Variants in STXBP3 observed in about 807,000 individuals in gnomAD.
STXBP3 encodes syntaxin binding protein 3, also known as syntaxin-binding protein 3.
STXBP3 carries 41 observed loss-of-function variants against 85.7 expected under a neutral mutation model. The ratio of observed to expected loss-of-function variants is 0.48; its 90% confidence interval spans 0.37 to 0.62. The LOEUF (loss-of-function observed/expected upper bound fraction) is 0.62, where lower values mean the gene tolerates loss of function less well. Among genes scored for constraint, STXBP3 ranks in the 20% least tolerant of loss-of-function variants. The pLI, the probability that STXBP3 is intolerant of heterozygous loss-of-function variation, is 0.00. For synonymous variants in STXBP3, 229 were observed against 231.7 expected (o/e 0.99, Z 0.10); for missense variants, 563 against 703.1 (o/e 0.80, Z 2.25).
At chr1:108,771,246 A>G (rs574628794) in intron 6 of STXBP3, among the ~76,000 whole-genome samples, 30 of 149,996 alleles carry the variant, frequency 2.0e-4, no homozygotes, top group Admixed American at 1.8e-3. Flanking sequence ...GGATGAAATC[A>G]GGATGACAGA....
Position 108,779,348 on chromosome 1 carries a change from G to A in STXBP3, c.747G>A (p.Leu249=). ...DRGFDPVSTV[L]HELTFQAMAY... ...GCTTTGATCCTGTGTCCACTGTCCT[G>A]CATGAACTGACCTTTCAGGCAATGG... The change falls in exon 9 of 19, where the codon CTG becomes CTA. Residue 249 remains leucine (L), a synonymous_variant. Coordinates refer to ENST00000370008, the MANE Select transcript of STXBP3 (RefSeq NM_007269.4). 6.2e-7 allele frequency: 1 copy of A among 1,613,078 alleles called. No homozygotes were observed. The highest frequency in any genetic ancestry group is 8.5e-7 in the Non-Finnish European group (1 of 1,179,410).
Position 108,771,371 on chromosome 1 carries a change from T to G in STXBP3, c.439-1294T>G, listed in dbSNP as rs139899325. Among the ~76,000 whole-genome samples the G allele has an allele frequency of 1.8e-3, 218 of 119,500 alleles. 3 individuals carry two copies. Among genetic ancestry groups the G allele is most frequent in the African/African-American group, 7.1e-3 (212 of 29,840 alleles). The allele number at this position is 119,500 out of a possible 152,430, so 78.4% of individuals were successfully genotyped here. ...GCTGCATTTTCTTGATATATATCTA[T>G]ATATATATAATATATAAATATATAT... On this transcript the variant is annotated intron_variant, in intron 6 of 18. Transcript: ENST00000370008.
intron 13 of STXBP3, among the ~76,000 whole-genome samples, chr1:108,795,320 T>G (rs1663067179): frequency 6.6e-6 from 1 of 152,112 alleles, no homozygotes; most frequent in Non-Finnish European, 1.5e-5. Context: ...GTAATTTTAA[T>G]TATTCTAATA....
intron 7 of STXBP3, among the ~76,000 whole-genome samples, chr1:108,773,039 C>A (rs370688551): frequency 1.2e-4 from 19 of 152,164 alleles, no homozygotes; most frequent in Non-Finnish European, 2.4e-4. Context: ...GTACAATTTA[C>A]GGACGGTTTT....
At chr1:108,801,657 AT>A (rs34183658) in intron 17 of STXBP3, among the ~76,000 whole-genome samples, 312 of 142,426 alleles carry the variant, frequency 2.2e-3, no homozygotes, top group African/African-American at 2.2e-3. Context: ...CCTTTTTTTA[AT>A]TTTTTTTTTT....
intron 17 of STXBP3, among the ~76,000 whole-genome samples, chr1:108,807,144 C>T (rs558203625): frequency 6.6e-5 from 10 of 150,958 alleles, no homozygotes; most frequent in East Asian, 2.0e-4. Flanking sequence ...CCTAGCTACT[C>T]GGGAGGCTGA....
intron 11 of STXBP3, among the ~76,000 whole-genome samples, chr1:108,785,241 A>G (rs916095355): frequency 2.0e-5 from 3 of 152,180 alleles, no homozygotes; most frequent in Admixed American, 2.0e-4. Context: ...CCCTGCAGCG[A>G]ACTCCGGCCT....
At chr1:108,804,694 C>G (rs550881227) in intron 17 of STXBP3, among the ~76,000 whole-genome samples, 1 of 152,276 alleles carries the variant, frequency 6.6e-6, no homozygotes, top group African/African-American at 2.4e-5. Context: ...TGGGGTTCCT[C>G]AGACCATGAA....
chr1:108,777,993 A>G (rs925061118), intron 8 of STXBP3, among the ~76,000 whole-genome samples: 1 of 152,100 alleles, frequency 6.6e-6, no homozygotes, highest in Non-Finnish European at 1.5e-5. Context: ...ATTGTGGTTC[A>G]TTTTACAAAG....
At chr1:108,766,259 A>G (rs1662262498) in intron 6 of STXBP3, among the ~76,000 whole-genome samples, 1 of 152,108 alleles carries the variant, frequency 6.6e-6, no homozygotes, top group South Asian at 2.1e-4. Context: ...AGAAAATCAG[A>G]TTCCTAATAT....
intron 7 of STXBP3, among the ~76,000 whole-genome samples, chr1:108,775,393 A>G (rs1203329350): frequency 6.6e-6 from 1 of 152,136 alleles, no homozygotes; most frequent in Non-Finnish European, 1.5e-5. Flanking sequence ...CGGGATATCT[A>G]TCACCTCAAG....
chr1:108,807,582 T>TG, intron 18 of STXBP3, 33 bp downstream of exon 18: 2 of 1,556,286 alleles, frequency 1.3e-6, no homozygotes, highest in South Asian at 1.2e-5. Context: ...TTCTGTTTTT[T>TG]TTTTTTTTTT....
intron 16 of STXBP3, 69 bp from the exon 17 acceptor site, chr1:108,800,151 G>T: frequency 1.8e-6 from 2 of 1,094,866 alleles, no homozygotes; most frequent in Non-Finnish European, 2.8e-6. Flanking sequence ...TGCAAGTTTT[G>T]ACCTTTATGC....
At chr1:108,797,714 A>C (rs1242631072) in intron 15 of STXBP3, among the ~76,000 whole-genome samples, 1 of 150,052 alleles carries the variant, frequency 6.7e-6, no homozygotes, top group Non-Finnish European at 1.5e-5. Context: ...GGCCCCATCA[A>C]GTTTTTTTGT....
chr1:108,798,393 G>A (rs1663159757), intron 16 of STXBP3, among the ~76,000 whole-genome samples, 156 bp downstream of exon 16: 1 of 143,474 alleles, frequency 7.0e-6, no homozygotes, highest in African/African-American at 2.5e-5. Context: ...GGAAACTCTT[G>A]AAGATTCTTC....
Position 108,808,829 on chromosome 1 carries a change from G to C in STXBP3, c.1731G>C (p.Lys577Asn). The C allele has an allele frequency of 4.3e-6, 7 of 1,613,316 alleles. No homozygotes were observed. Among genetic ancestry groups the C allele is most frequent in the Non-Finnish European group, 5.9e-6 (7 of 1,179,742 alleles). Residue 577 changes from lysine (K) to asparagine (N), a missense_variant, in exon 19 of 19, where the codon AAG becomes AAC. Physicochemically the swap from Lys to Asn is moderately conservative, Grantham distance 94 (BLOSUM62 0). Coordinates refer to ENST00000370008, the MANE Select transcript of STXBP3 (RefSeq NM_007269.4). ...LTPKKLLDDI[K>N]MLNKPKDKVS... is the part of the protein sequence containing the mutation. ...CCAAAAAGCTGTTGGATGATATAAA[G>C]ATGCTGAATAAACCCAAGGATAAAG... is the stretch of plus-strand genomic sequence containing the variant.
chr1:108,765,764 T>A (rs546126109), intron 6 of STXBP3, among the ~76,000 whole-genome samples: 42 of 151,464 alleles, frequency 2.8e-4, no homozygotes, highest in Admixed American at 7.2e-4. Context: ...AGAAATGAGA[T>A]TTCACCATGT....
rs546781268 is a variant in STXBP3, at chr1:108,796,561, C to T, written c.1250-59C>T. 2.0e-6 allele frequency: 3 copies of T among 1,488,202 alleles called. No individual in the cohort carries two copies. In the Admixed American group the frequency reaches 5.6e-5, roughly 28 times the overall value. The allele number at this position is 1,488,202 out of a possible 1,614,324, so 92.2% of individuals were successfully genotyped here. A position where few individuals can be genotyped will look rare whatever the true frequency, so the allele number is the denominator to read the frequency against. On this transcript the variant is annotated intron_variant, in intron 14 of 18. Transcript: ENST00000370008. ...TTCATTCATGGGTACTACCTAAAGC[C>T]TTGAAATTATTTTGGTAGCAATTGT...
At position 108,776,561 on chromosome 1, in the gene STXBP3, A is replaced by G. The variant is rs558887075; in HGVS notation, c.684+138A>G. The stretch of plus-strand genomic sequence containing the variant: ...GATCTCCAATACTGATTTGAGAATC[A>G]TTAACATACACAATCGTGCAAACCT... On this transcript the variant is annotated intron_variant, in intron 8 of 18. Coordinates refer to ENST00000370008, the MANE Select transcript of STXBP3 (RefSeq NM_007269.4). 9 of 542,328 alleles carry G rather than the reference A, an allele frequency of 1.7e-5. No homozygotes were observed. The South Asian group carries it at 2.5e-4, about 15-fold the overall frequency. The allele number at this position is 542,328 out of a possible 1,614,324, so 33.6% of individuals were successfully genotyped here.
Sources: gnomAD v4.1 joint callset for allele counts (sites outside exome capture counted in the v4.1 genomes callset) on GRCh38, gnomAD v4.1.1 for gene constraint, MANE v1.5 for transcripts, NCBI Gene and HGNC (gene_info 2026-07-23, HGNC 2026-07-21) for gene names.